NALCN: variants seen among roughly 807,000 people sequenced by gnomAD.
NALCN encodes the protein sodium leak channel NALCN.
A neutral mutation model predicts 225.3 loss-of-function variants in NALCN; 111 were observed. The ratio of observed to expected loss-of-function variants is 0.49; its 90% CI spans 0.42 to 0.58. NALCN has a LOEUF of 0.58. NALCN is among the 20% of genes least tolerant of loss of function. NALCN has a pLI of 0.00. For synonymous variants in NALCN, 764 were observed against 769.0 expected (o/e 0.99, Z 0.11); for missense variants, 1,378 against 2,202.4 (o/e 0.63, Z 7.49).
chr13:101,350,387 G>T (rs775134410), intron 6 of NALCN, among the ~76,000 whole-genome samples: 6 of 151,588 alleles, frequency 4.0e-5, no homozygotes, highest in Non-Finnish European at 7.4e-5. Flanking sequence ...CATTTTTGTA[G>T]CCTTCAGGCC....
intron 12 of NALCN, among the ~76,000 whole-genome samples, chr13:101,237,520 A>G (rs1480535851): frequency 1.3e-5 from 2 of 151,966 alleles, no homozygotes; most frequent in Non-Finnish European, 2.9e-5. Flanking sequence ...TAAGTAAAAC[A>G]TCTACATTGT....
At chr13:101,269,708 A>T (rs902894793) in intron 10 of NALCN, among the ~76,000 whole-genome samples, 3 of 152,204 alleles carry the variant, frequency 2.0e-5, no homozygotes, top group Non-Finnish European at 4.4e-5. Flanking sequence ...CTTTGGGCAC[A>T]AGAAGACCCA....
chr13:101,180,992 C>A, intron 14 of NALCN: 1 of 452,574 alleles, frequency 2.2e-6, no homozygotes, highest in Non-Finnish European at 4.5e-6. Flanking sequence ...GAAATGAAGC[C>A]CCATCATAAA....
chr13:101,121,832 G>A (rs547801622), intron 18 of NALCN, among the ~76,000 whole-genome samples: 2 of 152,026 alleles, frequency 1.3e-5, no homozygotes, highest in Non-Finnish European at 2.9e-5. Context: ...TGGAGCCTAG[G>A]AGAGCGGAGT....
At chr13:101,214,258 A>C (rs1244569609) in intron 13 of NALCN, among the ~76,000 whole-genome samples, 1 of 149,080 alleles carries the variant, frequency 6.7e-6, no homozygotes, top group Non-Finnish European at 1.5e-5. Context: ...GAACATTTGG[A>C]CACAGGGTGG....
intron 7 of NALCN, among the ~76,000 whole-genome samples, chr13:101,313,980 C>T (rs1313124764): frequency 2.6e-5 from 4 of 151,858 alleles, no homozygotes; most frequent in Admixed American, 1.3e-4. Flanking sequence ...ACTATGCAGC[C>T]ATAAAAAATG....
At chr13:101,376,172 T>C (rs2046684704) in intron 6 of NALCN, among the ~76,000 whole-genome samples, 1 of 152,146 alleles carries the variant, frequency 6.6e-6, no homozygotes, top group Non-Finnish European at 1.5e-5. Context: ...CCCGAACATG[T>C]AACTCATTCT....
intron 13 of NALCN, among the ~76,000 whole-genome samples, chr13:101,224,656 T>C (rs1021001114): frequency 1.3e-5 from 2 of 152,006 alleles, no homozygotes; most frequent in African/African-American, 4.8e-5. Flanking sequence ...ACTTATAAAC[T>C]CCCAAAAGGA....
At chr13:101,116,918 AC>A (rs1195797146) in intron 18 of NALCN, 1 of 512,540 alleles carries the variant, frequency 2.0e-6, no homozygotes, top group Admixed American at 2.0e-5. Flanking sequence ...AATGGCTCTT[AC>A]CTGACTCCAC....
chr13:101,318,363 G>A (rs1349511906), intron 7 of NALCN, among the ~76,000 whole-genome samples: 1 of 152,128 alleles, frequency 6.6e-6, no homozygotes, highest in Non-Finnish European at 1.5e-5. Flanking sequence ...TGGCATGGGC[G>A]CCGGCTCCCT....
chr13:101,245,535 C>A (rs1052295983), intron 11 of NALCN, among the ~76,000 whole-genome samples: 2 of 152,056 alleles, frequency 1.3e-5, no homozygotes, highest in Non-Finnish European at 2.9e-5. Context: ...GTCTACAAGG[C>A]AATCTGCATT....
chr13:101,400,019 T>C (rs2047422217), intron 1 of NALCN, among the ~76,000 whole-genome samples: 1 of 152,136 alleles, frequency 6.6e-6, no homozygotes, highest in Non-Finnish European at 1.5e-5. Context: ...GAGTCGACTG[T>C]GAGACTTCCC....
intron 18 of NALCN, among the ~76,000 whole-genome samples, chr13:101,114,841 C>T (rs1292823264): frequency 6.6e-6 from 1 of 152,178 alleles, no homozygotes; most frequent in Non-Finnish European, 1.5e-5. Context: ...TTGCACAGCC[C>T]CGTTTAGTGT....
Position 101,086,497 on chromosome 13 carries a change from T to G in NALCN, c.3490-2693A>C, listed in dbSNP as rs139089314. 6.8e-4 allele frequency among the ~76,000 whole-genome samples: 104 copies of G among 152,160 alleles called. 1 individual carries two copies. The East Asian group carries it at 0.016, about 23-fold the overall frequency. On this transcript the variant is annotated intron_variant, in intron 30 of 43. Transcript: ENST00000251127. ...TTGTAGAGTTTTTTTTGTTTTTGTT[T>G]TCATTATGGTCAGAAAACATTCTTA...
At chr13:101,315,363 ATG>A (rs1447621122) in intron 7 of NALCN, among the ~76,000 whole-genome samples, 2 of 152,168 alleles carry the variant, frequency 1.3e-5, no homozygotes, top group African/African-American at 2.4e-5. Flanking sequence ...TAAAATATTT[ATG>A]TATGTATGCA....
At chr13:101,371,823 C>G (rs1483866389) in intron 6 of NALCN, among the ~76,000 whole-genome samples, 1 of 152,166 alleles carries the variant, frequency 6.6e-6, no homozygotes, top group African/African-American at 2.4e-5. Flanking sequence ...GCTCTTAGTA[C>G]TGGGCTTAAT....
chr13:101,149,709 C>G (rs142083511), intron 15 of NALCN, among the ~76,000 whole-genome samples: 1 of 152,334 alleles, frequency 6.6e-6, no homozygotes, highest in African/African-American at 2.4e-5. Flanking sequence ...GGCCAGTTAA[C>G]ACAGAGAAGG....
At chr13:101,096,211 C>T (rs1035286333) in intron 27 of NALCN, among the ~76,000 whole-genome samples, 11 of 152,140 alleles carry the variant, frequency 7.2e-5, no homozygotes, top group African/African-American at 2.7e-4. Context: ...CCAGCAACTC[C>T]ACTCCTAGGT....
chr13:101,121,499 G>A (rs1274861250), intron 18 of NALCN, among the ~76,000 whole-genome samples: 2 of 152,126 alleles, frequency 1.3e-5, no homozygotes, highest in Non-Finnish European at 2.9e-5. Context: ...ATCCAGCTCA[G>A]GTCTCTTTTT....
Sources: gnomAD v4.1 joint callset for allele counts (sites outside exome capture counted in the v4.1 genomes callset) on GRCh38, gnomAD v4.1.1 for gene constraint, MANE v1.5 for transcripts, NCBI Gene and HGNC (gene_info 2026-07-23, HGNC 2026-07-21) for gene names.